Variants in EDIL3 observed in about 807,000 individuals in gnomAD.
EDIL3 encodes the protein EGF-like repeat and discoidin I-like domain-containing protein 3.
Under a neutral mutation model 67.4 loss-of-function variants are expected in EDIL3, and 37 were observed. The ratio of observed to expected loss-of-function variants is 0.55; its 90% CI spans 0.42 to 0.72. EDIL3 has a LOEUF of 0.72. Among genes scored for constraint, EDIL3 ranks in the 30% least tolerant of loss-of-function variants. The pLI, the probability that EDIL3 is intolerant of heterozygous loss-of-function variation, is 0.00. For synonymous variants in EDIL3, 195 were observed against 196.3 expected (o/e 0.99, Z 0.05); for missense variants, 527 against 586.3 (o/e 0.90, Z 1.04).
chr5:84,256,548 T>C (rs1271054087), intron 1 of EDIL3, among the ~76,000 whole-genome samples: 1 of 152,152 alleles, frequency 6.6e-6, no homozygotes, highest in African/African-American at 2.4e-5. Context: ...GGTAGGCCAC[T>C]GTAGCTAGAA....
chr5:84,120,133 AAG>A (rs1747748719), intron 5 of EDIL3, among the ~76,000 whole-genome samples: 1 of 152,044 alleles, frequency 6.6e-6, no homozygotes, highest in South Asian at 2.1e-4. Context: ...TTCAGAAAAA[AAG>A]TATGGTAAAT....
At chr5:84,354,647 A>G (rs1747439721) in intron 1 of EDIL3, among the ~76,000 whole-genome samples, 1 of 98,668 alleles carries the variant, frequency 1.0e-5, no homozygotes, top group African/African-American at 4.2e-5. Flanking sequence ...ACAGAGTGAG[A>G]CTCCATCTCA....
intron 1 of EDIL3, among the ~76,000 whole-genome samples, chr5:84,328,201 G>A (rs1208709142): frequency 6.6e-6 from 1 of 151,986 alleles, no homozygotes; most frequent in Non-Finnish European, 1.5e-5. Context: ...GTGAGCCTTT[G>A]TCCACAATCC....
intron 9 of EDIL3, among the ~76,000 whole-genome samples, chr5:83,964,998 GA>G (rs1403029288): frequency 6.6e-6 from 1 of 151,992 alleles, no homozygotes; most frequent in Non-Finnish European, 1.5e-5. Flanking sequence ...CCACTTTACA[GA>G]TGAATAATTT....
intron 9 of EDIL3, among the ~76,000 whole-genome samples, chr5:84,056,245 C>G (rs1373099266): frequency 6.6e-6 from 1 of 151,996 alleles, no homozygotes; most frequent in East Asian, 1.9e-4. Flanking sequence ...ACCGCATGTT[C>G]TCACTCATAG....
At chr5:84,275,698 C>A (rs1005574516) in intron 1 of EDIL3, among the ~76,000 whole-genome samples, 1 of 152,130 alleles carries the variant, frequency 6.6e-6, no homozygotes, top group Non-Finnish European at 1.5e-5. Context: ...AGAATACTTG[C>A]AGCTCAAATA....
intron 10 of EDIL3, among the ~76,000 whole-genome samples, chr5:83,945,861 A>T (rs1580246072): frequency 1.3e-5 from 2 of 152,016 alleles, no homozygotes; most frequent in African/African-American, 4.8e-5. Context: ...CAGAATTTAC[A>T]GCCTCAAAGT....
At chr5:84,319,288 G>T (rs1248408889) in intron 1 of EDIL3, among the ~76,000 whole-genome samples, 1 of 76,792 alleles carries the variant, frequency 1.3e-5, no homozygotes, top group Non-Finnish European at 3.1e-5. Context: ...GTGAAACCCC[G>T]TCTCTACTAA....
intron 5 of EDIL3, among the ~76,000 whole-genome samples, chr5:84,113,526 T>G (rs1249683950): frequency 6.6e-6 from 1 of 152,234 alleles, no homozygotes; most frequent in Admixed American, 6.5e-5. Context: ...CTTTTCTGCT[T>G]TGGCCAAGAG....
At chr5:84,185,346 G>T (rs572025000) in intron 3 of EDIL3, among the ~76,000 whole-genome samples, 1 of 152,058 alleles carries the variant, frequency 6.6e-6, no homozygotes, top group Non-Finnish European at 1.5e-5. Context: ...GGGTCACAGT[G>T]TATTAGATAT....
At chr5:84,057,402 T>C (rs5000988) in intron 9 of EDIL3, among the ~76,000 whole-genome samples, 1 of 74,004 alleles carries the variant, frequency 1.4e-5, no homozygotes, top group African/African-American at 5.5e-5. Flanking sequence ...TTATGGGGTG[T>C]AAAATAGTTT....
In EDIL3 at chr5:84,227,543, G is replaced by C. The variant is rs369994061; in HGVS notation, c.226+2312C>G. ...GAGATTTCCCAAAGAACTTAAAACAGAGCTACTGTAAGATCCAGCAATCCC... is the reference window on the plus strand; with the variant it reads ...GAGATTTCCCAAAGAACTTAAAACACAGCTACTGTAAGATCCAGCAATCCC... On this transcript the variant is annotated intron_variant, in intron 3 of 10. Coordinates refer to ENST00000296591, the MANE Select transcript of EDIL3 (RefSeq NM_005711.5). 3.3e-5 allele frequency among the ~76,000 whole-genome samples: 5 copies of C among 152,096 alleles called. No homozygotes were observed. In the South Asian group the frequency reaches 1.0e-3, roughly 31 times the overall value.
intron 3 of EDIL3, among the ~76,000 whole-genome samples, chr5:84,194,412 G>T (rs1274787535): frequency 6.6e-6 from 1 of 151,818 alleles, no homozygotes; most frequent in East Asian, 1.9e-4. Flanking sequence ...ACAAAGATTT[G>T]CCCACAGGGA....
intron 1 of EDIL3, among the ~76,000 whole-genome samples, chr5:84,318,377 G>T (rs1190366800): frequency 1.3e-5 from 2 of 152,138 alleles, no homozygotes; most frequent in African/African-American, 4.8e-5. Context: ...GAACAAAGCT[G>T]GAGGCATCAT....
intron 9 of EDIL3, among the ~76,000 whole-genome samples, chr5:84,047,053 A>G (rs900288230): frequency 2.6e-5 from 4 of 152,180 alleles, no homozygotes; most frequent in Admixed American, 2.6e-4. Flanking sequence ...TTTTGTTATA[A>G]CAGGTGCCCC....
intron 7 of EDIL3, 144 bp downstream of exon 7, chr5:84,066,307 A>C: frequency 1.2e-6 from 1 of 859,168 alleles, no homozygotes; most frequent in Non-Finnish European, 1.6e-6. Flanking sequence ...TACTTCCTTC[A>C]TCACACTAGC....
At chr5:84,253,222 T>A (rs1383808753) in intron 2 of EDIL3, among the ~76,000 whole-genome samples, 2 of 152,194 alleles carry the variant, frequency 1.3e-5, no homozygotes, top group African/African-American at 4.8e-5. Flanking sequence ...GCCATTGAAG[T>A]GTCCTGTTTC....
At chr5:84,125,766 C>G (rs1474129493) in intron 5 of EDIL3, among the ~76,000 whole-genome samples, 1 of 151,986 alleles carries the variant, frequency 6.6e-6, no homozygotes, top group Admixed American at 6.6e-5. Context: ...CTGCATTATT[C>G]TAAAGTGATG....
intron 2 of EDIL3, among the ~76,000 whole-genome samples, chr5:84,237,537 G>C (rs1311983568): frequency 1.3e-5 from 2 of 152,070 alleles, no homozygotes; most frequent in African/African-American, 4.8e-5. Flanking sequence ...GTTTCACTAA[G>C]TCTTTAGTGA....
Sources: allele counts gnomAD v4.1 joint callset (sites outside exome capture counted in the v4.1 genomes callset), GRCh38; gene constraint gnomAD v4.1.1; transcripts MANE v1.5; gene names NCBI Gene and HGNC (gene_info 2026-07-23, HGNC 2026-07-21).